Variants in POLR3D observed in about 807,000 individuals in gnomAD.
POLR3D encodes RNA polymerase III subunit D, also known as DNA-directed RNA polymerase III subunit RPC4.
Under a neutral mutation model 44.5 loss-of-function variants are expected in POLR3D, and 42 were observed. The ratio of observed to expected loss-of-function variants is 0.94; its 90% CI spans 0.74 to 1.22. The LOEUF (loss-of-function observed/expected upper bound fraction) is 1.22. POLR3D is among the 50% of genes most tolerant of loss of function. The pLI is 0.00. For synonymous variants in POLR3D, 217 were observed against 198.1 expected (o/e 1.10, Z -0.80); for missense variants, 507 against 505.2 (o/e 1.00, Z -0.03).
In POLR3D at chr8:22,250,408, G is replaced by T; in HGVS notation, c.1087G>T (p.Val363Leu). The change falls in exon 9 of 9, where the codon GTG becomes TTG. Residue 363 changes from valine to leucine, a missense_variant. Val to Leu is a conservative substitution (Grantham distance 32, BLOSUM62 1). Coordinates refer to ENST00000306433, the MANE Select transcript of POLR3D (RefSeq NM_001722.3). ...TGTTAATTGGCAGGAGCTGGTGTCC[G>T]TGGGCCTTGGAGACAGTAGGACAGG... ...ACSFLQELVS[V>L]GLGDSRTGEM... 2 of 1,614,174 alleles carry T rather than the reference G, an allele frequency of 1.2e-6. No homozygotes were observed. Among genetic ancestry groups the T allele is most frequent in the Non-Finnish European group, 1.7e-6 (2 of 1,180,030 alleles).
rs898454766 is a variant in POLR3D, at chr8:22,245,485, G to A, written c.36G>A (p.Thr12=). 7.7e-7 allele frequency: 1 copy of A among 1,306,782 alleles called. No individual in the cohort carries two copies. Among genetic ancestry groups the A allele is most frequent in the Non-Finnish European group, 9.8e-7 (1 of 1,020,006 alleles). 80.9% of individuals were successfully genotyped at this position (1,306,782 alleles called of 1,614,324 possible). A position where few individuals can be genotyped will look rare whatever the true frequency, so the allele number is the denominator to read the frequency against. Residue 12 remains threonine (T), a synonymous_variant, in exon 2 of 9, where the codon ACG becomes ACA. Transcript: ENST00000306433. ...GAAACGCCGCCGGCGAGCCCAGCAC[G>A]CCGGGAGGGCCCCGACCTCTCCTGA... The part of the protein sequence containing the change: ...SEGNAAGEPS[T]PGGPRPLLTG...
intron 1 of POLR3D, 111 bp from the exon 2 acceptor site, chr8:22,245,334 A>T: frequency 1.4e-6 from 1 of 716,260 alleles, no homozygotes; most frequent in Non-Finnish European, 2.0e-6. Context: ...AGGAGCTGAG[A>T]GGCCACTGGA....
At chr8:22,246,819 T>C (rs1431140999) in intron 2 of POLR3D, among the ~76,000 whole-genome samples, 4 of 152,250 alleles carry the variant, frequency 2.6e-5, no homozygotes, top group Non-Finnish European at 5.9e-5. Context: ...ATTGAAAGTG[T>C]TGGCAGATCT....
rs1830101761 is a variant in POLR3D at position 22,251,075 on chromosome 8, G to A, written c.*557G>A. On this transcript the variant is annotated 3_prime_UTR_variant, in exon 9 of 9. Coordinates refer to ENST00000306433, the MANE Select transcript of POLR3D (RefSeq NM_001722.3). ...AATGGGGATGATACCTACCTCCAGG[G>A]TTGGCGTGAGGATTCATGGGCTATT... 6.4e-6 allele frequency: 1 copy of A among 155,576 alleles called. No homozygotes were observed. 9.6% of individuals were successfully genotyped at this position (155,576 alleles called of 1,614,324 possible). A position where few individuals can be genotyped will look rare whatever the true frequency, so the allele number is the denominator to read the frequency against.
chr8:22,249,978 CT>C, intron 7 of POLR3D, 96 bp from the exon 8 acceptor site: 2 of 1,410,970 alleles, frequency 1.4e-6, no homozygotes, highest in Non-Finnish European at 9.8e-7. Context: ...TCATTTTGAC[CT>C]TTGCTGTGCC....
At chr8:22,248,427 T>G in intron 5 of POLR3D, 54 bp from the exon 6 acceptor site, 1 of 1,596,626 alleles carries the variant, frequency 6.3e-7, no homozygotes. Flanking sequence ...TAAAGCAGAC[T>G]TTGATCCAGG....
chr8:22,248,860 G>A (rs1830070223), intron 6 of POLR3D, among the ~76,000 whole-genome samples, 184 bp from the exon 7 acceptor site: 1 of 152,136 alleles, frequency 6.6e-6, no homozygotes, highest in Non-Finnish European at 1.5e-5. Flanking sequence ...AGCCTCAGAT[G>A]TCCCTTTTTA....
intron 6 of POLR3D, 66 bp downstream of exon 6, chr8:22,248,715 G>A: frequency 1.4e-6 from 2 of 1,464,518 alleles, no homozygotes; most frequent in Non-Finnish European, 1.9e-6. Flanking sequence ...CGTGCATCAG[G>A]CATCCCTTGC....
At position 22,248,047 on chromosome 8, in the gene POLR3D, C is replaced by T. The variant is rs372874432; in HGVS notation, c.361+39C>T. On this transcript the variant is annotated intron_variant, in intron 4 of 8. Transcript: ENST00000306433. ...ATCAGTGAATTTCAGTTCAGACTGC[C>T]CCAGAGAAGGGCGAGAACAGTGGAA... The T allele has an allele frequency of 8.4e-5, 135 of 1,608,682 alleles. 1 individual carries two copies. The African/African-American group carries it at 1.7e-3, about 20-fold the overall frequency.
Position 22,248,493 on chromosome 8 carries a change from C to G in POLR3D, c.499C>G (p.Pro167Ala). 1 of 1,613,984 alleles carries G rather than the reference C, an allele frequency of 6.2e-7. No individual in the cohort carries two copies. Among genetic ancestry groups the G allele is most frequent in the Non-Finnish European group, 8.5e-7 (1 of 1,179,940 alleles). Residue 167 changes from proline to alanine, a missense_variant, in exon 6 of 9, where the codon CCC (proline) becomes GCC (alanine). Pro to Ala is a conservative substitution (Grantham distance 27). Transcript: ENST00000306433. ...MLEKDDFLDD[P>A]GLRNDTRNMP... is the part of the protein sequence containing the mutation. ...CTCTCTTTGGCAGTTCCTCGATGAC[C>G]CCGGCCTGAGGAACGACACTCGAAA...
chr8:22,252,662 A>C lies in POLR3D; in HGVS notation c.*2144A>C, dbSNP rs938310319. The C allele has an allele frequency of 1.3e-5, 2 of 152,224 alleles. No homozygotes were observed. The highest frequency in any genetic ancestry group is 4.8e-5 in the African/African-American group (2 of 41,452). 9.4% of individuals were successfully genotyped at this position (152,224 alleles called of 1,614,324 possible). The stretch of plus-strand genomic sequence containing the variant: ...GGCCCCTGAGGCATGCATTTCTACC[A>C]AGGAATATGGACAGATGACAGAGGA... On this transcript the variant is annotated 3_prime_UTR_variant, in exon 9 of 9. Coordinates refer to ENST00000306433, the MANE Select transcript of POLR3D (RefSeq NM_001722.3).
At chr8:22,248,724 G>C in intron 6 of POLR3D, 75 bp downstream of exon 6, 1 of 1,430,954 alleles carries the variant, frequency 7.0e-7, no homozygotes, top group South Asian at 1.3e-5. Flanking sequence ...GGCATCCCTT[G>C]CATGTGCCCC....
rs1230064305 is a variant in POLR3D at position 22,253,510 on chromosome 8, T to C, written c.*2992T>C. 6.6e-6 allele frequency: 1 copy of C among 152,236 alleles called. No individual in the cohort carries two copies. The highest frequency in any genetic ancestry group is 2.4e-5 in the African/African-American group (1 of 41,458). The allele number at this position is 152,236 out of a possible 1,614,324, so 9.4% of individuals were successfully genotyped here. On this transcript the variant is annotated 3_prime_UTR_variant, in exon 9 of 9. Coordinates refer to ENST00000306433, the MANE Select transcript of POLR3D (RefSeq NM_001722.3). ...AGTTGGATAGACAATTCATAGTAGCTGCTGCCATGTTCAAAAAATGCTGCA... is the reference window on the plus strand; with the variant it reads ...AGTTGGATAGACAATTCATAGTAGCCGCTGCCATGTTCAAAAAATGCTGCA...
intron 2 of POLR3D, among the ~76,000 whole-genome samples, chr8:22,246,164 G>A (rs1423393759): frequency 6.6e-6 from 1 of 152,216 alleles, no homozygotes; most frequent in Non-Finnish European, 1.5e-5. Context: ...TCTCGCCGTT[G>A]TCCCCCAGGC....
chr8:22,250,287 C>T lies in POLR3D; in HGVS notation c.1074+60C>T, dbSNP rs1830091336. On this transcript the variant is annotated intron_variant, in intron 8 of 8. Coordinates refer to ENST00000306433, the MANE Select transcript of POLR3D (RefSeq NM_001722.3). ...TCAGGAGTGAAGGAGGATTGAAGAG[C>T]CACTGCTAAATAAGGGAGGGGGTTT... 2.3e-5 allele frequency: 37 copies of T among 1,609,406 alleles called. No homozygotes were observed. In the South Asian group the frequency reaches 3.8e-4, roughly 17 times the overall value.
Position 22,248,221 on chromosome 8 carries a change from GAAGA to G in POLR3D, c.430_433del (p.Lys144GlufsTer25). On this transcript the variant is annotated frameshift_variant, in exon 5 of 9. Coordinates refer to ENST00000306433, the MANE Select transcript of POLR3D (RefSeq NM_001722.3). LOFTEE classifies it high-confidence loss of function. The stretch of plus-strand genomic sequence containing the variant: ...CTCATATCATCAACATCAAAAAAGA[GAAGA>G]GAGAGACAGACGAAGAAACTAAACA... 1 of 1,614,204 alleles carries G rather than the reference GAAGA, an allele frequency of 6.2e-7. No homozygotes were observed. The highest frequency in any genetic ancestry group is 8.5e-7 in the Non-Finnish European group (1 of 1,180,044).
At chr8:22,248,370 T>C (rs746391602) in intron 5 of POLR3D, 92 bp downstream of exon 5, 35 of 1,574,758 alleles carry the variant, frequency 2.2e-5, no homozygotes, top group Non-Finnish European at 3.0e-5. Context: ...AGCTTACTGA[T>C]GTCCTGGAAT....
chr8:22,253,092 G>C lies in POLR3D; in HGVS notation c.*2574G>C, dbSNP rs1190414842. The C allele has an allele frequency of 6.6e-6, 1 of 152,212 alleles. No homozygotes were observed. Among genetic ancestry groups the C allele is most frequent in the East Asian group, 1.9e-4 (1 of 5,198 alleles). 9.4% of individuals were successfully genotyped at this position (152,212 alleles called of 1,614,324 possible). A position where few individuals can be genotyped will look rare whatever the true frequency, so the allele number is the denominator to read the frequency against. On this transcript the variant is annotated 3_prime_UTR_variant, in exon 9 of 9. Coordinates refer to ENST00000306433, the MANE Select transcript of POLR3D (RefSeq NM_001722.3). ...AGCCTGACGGTGGCTTAAGCAATGG[G>C]AATGTTTATCTCACATAGCAAAAAG... is the stretch of plus-strand genomic sequence containing the variant.
In POLR3D at chr8:22,250,377, T is replaced by C; in HGVS notation, c.1075-19T>C. ...GGCACGTGGTGGTGGTTCTCATCACTGTCTCTGTTAATTGGCAGGAGCTGG... is the reference window on the plus strand; with the variant it reads ...GGCACGTGGTGGTGGTTCTCATCACCGTCTCTGTTAATTGGCAGGAGCTGG... On this transcript the variant is annotated intron_variant, in intron 8 of 8. Coordinates refer to ENST00000306433, the MANE Select transcript of POLR3D (RefSeq NM_001722.3). 1 of 1,614,136 alleles carries C rather than the reference T, an allele frequency of 6.2e-7. No individual in the cohort carries two copies. The highest frequency in any genetic ancestry group is 8.5e-7 in the Non-Finnish European group (1 of 1,179,996).
Sources: allele counts gnomAD v4.1 joint callset (sites outside exome capture counted in the v4.1 genomes callset), GRCh38; gene constraint gnomAD v4.1.1; transcripts MANE v1.5; gene names NCBI Gene and HGNC (gene_info 2026-07-23, HGNC 2026-07-21).